PDZRN4: variants seen among roughly 807,000 people sequenced by gnomAD.
The protein encoded by PDZRN4 is PDZ domain-containing RING finger protein 4.
PDZRN4 carries 70 observed loss-of-function variants against 99.0 expected under a neutral mutation model. The ratio of observed to expected loss-of-function variants is 0.71; its 90% CI spans 0.58 to 0.86. The LOEUF (loss-of-function observed/expected upper bound fraction) is 0.86, where lower values mean the gene tolerates loss of function less well. Among genes scored for constraint, PDZRN4 ranks in the 40% least tolerant of loss-of-function variants. The pLI, the probability that PDZRN4 is intolerant of heterozygous loss-of-function variation, is 0.00. For synonymous variants in PDZRN4, 551 were observed against 501.6 expected, an observed-to-expected ratio of 1.10 and a Z score of -1.32; for missense variants, 1,474 against 1,331.2, an observed-to-expected ratio of 1.11 and a Z score of -1.67.
intron 3 of PDZRN4, among the ~76,000 whole-genome samples, chr12:41,489,833 G>C (rs1273245626): frequency 6.6e-6 from 1 of 152,044 alleles, no homozygotes; most frequent in East Asian, 1.9e-4. Context: ...CTGGGCTCTG[G>C]TTTCTATTAA....
At chr12:41,317,048 G>GTATACATACACATATATATATATA (rs374645706) in intron 3 of PDZRN4, among the ~76,000 whole-genome samples, 1 of 69,582 alleles carries the variant, frequency 1.4e-5, no homozygotes, top group Non-Finnish European at 3.5e-5. Context: ...CTTACATAAA[G>GTATACATACACATATATATATATA]TATATATATA....
rs1250499493 is a variant in PDZRN4, at chr12:41,188,535, A to G, written c.80A>G (p.Glu27Gly). 3.2e-6 allele frequency: 5 copies of G among 1,578,408 alleles called. No homozygotes were observed. Among genetic ancestry groups the G allele is most frequent in the Non-Finnish European group, 4.3e-6 (5 of 1,170,414 alleles). The change falls in exon 1 of 10, where the codon GAG (glutamate) becomes GGG (glycine). Residue 27 changes from glutamate to glycine, a missense_variant. Physicochemically the swap from Glu to Gly is moderately conservative, Grantham distance 98. Transcript: ENST00000402685. ...AAACTGTGCGGCCAGGTGCTTGAAG[A>G]GCCCCTGTGCACGCCGTGCGGGCAC... is the stretch of plus-strand genomic sequence containing the variant. ...ECKLCGQVLE[E>G]PLCTPCGHVF...
chr12:41,540,903 C>CGTTGTTGTTGTTGTT (rs199757826), intron 5 of PDZRN4, among the ~76,000 whole-genome samples: 2 of 50,266 alleles, frequency 4.0e-5, no homozygotes, highest in Non-Finnish European at 3.7e-5. Context: ...CCCTTTTCTT[C>CGTTGTTGTTGTTGTT]GTTGTTGTTG....
At chr12:41,236,070 G>T (rs1951064706) in intron 3 of PDZRN4, among the ~76,000 whole-genome samples, 1 of 152,028 alleles carries the variant, frequency 6.6e-6, no homozygotes, top group African/African-American at 2.4e-5. Context: ...TGTTTACTGA[G>T]CACCTAGATT....
intron 5 of PDZRN4, 131 bp from the exon 6 acceptor site, chr12:41,552,525 A>T (rs534501877): frequency 9.6e-6 from 5 of 523,244 alleles, no homozygotes; most frequent in Non-Finnish European, 1.6e-5. Flanking sequence ...AAAAAAAAAA[A>T]GTTAATTTCC....
intron 3 of PDZRN4, among the ~76,000 whole-genome samples, chr12:41,290,670 T>G (rs1312450504): frequency 1.3e-5 from 2 of 152,076 alleles, no homozygotes; most frequent in Non-Finnish European, 1.5e-5. Context: ...AATTCTGAAA[T>G]AGACCATGAC....
At chr12:41,446,963 T>C (rs1487444086) in intron 3 of PDZRN4, among the ~76,000 whole-genome samples, 3 of 151,686 alleles carry the variant, frequency 2.0e-5, no homozygotes, top group Non-Finnish European at 4.4e-5. Context: ...AGATGACTTA[T>C]AGGACATATT....
intron 3 of PDZRN4, among the ~76,000 whole-genome samples, chr12:41,327,823 T>G (rs547835164): frequency 7.2e-5 from 11 of 152,304 alleles, no homozygotes; most frequent in African/African-American, 2.6e-4. Flanking sequence ...TGTGTGTGTG[T>G]GTGCATGTGT....
chr12:41,235,614 GT>G (rs1951061420), intron 3 of PDZRN4, among the ~76,000 whole-genome samples: 1 of 151,994 alleles, frequency 6.6e-6, no homozygotes. Flanking sequence ...TAGACCTTAT[GT>G]TTTTTAGAAA....
intron 3 of PDZRN4, chr12:41,437,542 T>G: frequency 5.2e-6 from 1 of 193,202 alleles, no homozygotes; most frequent in Non-Finnish European, 1.0e-5. Context: ...TACATTTGCT[T>G]CTTAATTAGT....
intron 3 of PDZRN4, among the ~76,000 whole-genome samples, chr12:41,373,315 ATT>A (rs1952056688): frequency 6.6e-6 from 1 of 152,040 alleles, no homozygotes. Flanking sequence ...GACCAAAATT[ATT>A]GGGAATTTCC....
rs1333374289 is a variant in PDZRN4, at chr12:41,574,496, G to C, written c.*606G>C. On this transcript the variant is annotated 3_prime_UTR_variant, in exon 10 of 10. Transcript: ENST00000402685. ...TAAAGTGTAGGTGGACAATCTTCCT[G>C]TGATATGTAGTGACATTGGTCATGT... 6.6e-6 allele frequency: 1 copy of C among 152,648 alleles called. No homozygotes were observed. Among genetic ancestry groups the C allele is most frequent in the African/African-American group, 2.4e-5 (1 of 41,458 alleles). The allele number at this position is 152,648 out of a possible 1,614,324, so 9.5% of individuals were successfully genotyped here. A position where few individuals can be genotyped will look rare whatever the true frequency, so the allele number is the denominator to read the frequency against.
intron 5 of PDZRN4, among the ~76,000 whole-genome samples, chr12:41,541,644 G>A (rs1203311484): frequency 1.3e-5 from 2 of 149,912 alleles, no homozygotes; most frequent in Non-Finnish European, 3.0e-5. Flanking sequence ...TAGTAGAGAC[G>A]GGGTTTCACC....
At chr12:41,376,456 T>C (rs1022532030) in intron 3 of PDZRN4, among the ~76,000 whole-genome samples, 1 of 152,132 alleles carries the variant, frequency 6.6e-6, no homozygotes, top group African/African-American at 2.4e-5. Context: ...TTGTGGTTTT[T>C]ATTTGTATTT....
At position 41,509,836 on chromosome 12, in the gene PDZRN4, C is replaced by A; in HGVS notation, c.1126C>A (p.His376Asn). 1 of 1,592,868 alleles carries A rather than the reference C, an allele frequency of 6.3e-7. No homozygotes were observed. ...CTGCCATTCTCTACATCCAATGGAG[C>A]ATGAATTTTATGAGGACAATGAGTA... ...DSCHSLHPME[H>N]EFYEDNEYIS... Residue 376 changes from histidine to asparagine, a missense_variant, in exon 5 of 10, where the codon CAT (histidine) becomes AAT (asparagine). His to Asn is a moderately conservative substitution (Grantham distance 68). Transcript: ENST00000402685.
At position 41,250,558 on chromosome 12, in the gene PDZRN4, AC is replaced by A. The variant is rs558204502; in HGVS notation, c.843+56372del. Reference sequence around the variant, plus strand: ...AATAACTAAAAGTTCTGGGAATTTAACCATGCCAATGCTATCTTTTTTACAT... The same window carrying A: ...AATAACTAAAAGTTCTGGGAATTTAACATGCCAATGCTATCTTTTTTACAT... On this transcript the variant is annotated intron_variant, in intron 3 of 9. Coordinates refer to ENST00000402685, the MANE Select transcript of PDZRN4 (RefSeq NM_001164595.2). Among the ~76,000 whole-genome samples the A allele has an allele frequency of 2.6e-3, 393 of 152,356 alleles. 2 individuals carry two copies. Among genetic ancestry groups the A allele is most frequent in the African/African-American group, 8.9e-3 (372 of 41,586 alleles).
chr12:41,414,748 A>G (rs1952429659), intron 3 of PDZRN4, among the ~76,000 whole-genome samples: 1 of 152,210 alleles, frequency 6.6e-6, no homozygotes, highest in African/African-American at 2.4e-5. Context: ...AACTACCATG[A>G]TGGAAAAATA....
intron 3 of PDZRN4, among the ~76,000 whole-genome samples, chr12:41,235,100 C>T (rs374275266): frequency 2.0e-5 from 3 of 152,190 alleles, no homozygotes; most frequent in Middle Eastern, 3.4e-3. Context: ...AAATATGCCT[C>T]GTCTGTCTTA....
At chr12:41,321,197 C>G (rs139701992) in intron 3 of PDZRN4, among the ~76,000 whole-genome samples, 2 of 152,260 alleles carry the variant, frequency 1.3e-5, no homozygotes, top group African/African-American at 4.8e-5. Context: ...CTGGATTATG[C>G]AGCCCTTTAG....
Sources: gnomAD v4.1 joint callset for allele counts (sites outside exome capture counted in the v4.1 genomes callset) on GRCh38, gnomAD v4.1.1 for gene constraint, MANE v1.5 for transcripts, NCBI Gene and HGNC (gene_info 2026-07-23, HGNC 2026-07-21) for gene names.